L3MBTL3: variants seen among roughly 807,000 people sequenced by gnomAD.
L3MBTL3 encodes the protein L3MBTL histone methyl-lysine binding protein 3.
A neutral mutation model predicts 102.3 loss-of-function variants in L3MBTL3; 27 were observed. The ratio of observed to expected loss-of-function variants is 0.26; its 90% CI spans 0.19 to 0.36. The LOEUF (loss-of-function observed/expected upper bound fraction) is 0.36. L3MBTL3 is among the 10% of genes least tolerant of loss of function. The pLI is 1.00. For synonymous variants in L3MBTL3, 340 were observed against 320.9 expected, an observed-to-expected ratio of 1.06 and a Z score of -0.64; for missense variants, 798 against 955.3, an observed-to-expected ratio of 0.84 and a Z score of 2.17.
At chr6:130,089,297 A>G (rs550124963) in intron 16 of L3MBTL3, among the ~76,000 whole-genome samples, 3 of 140,580 alleles carry the variant, frequency 2.1e-5, no homozygotes, top group South Asian at 2.2e-4. Flanking sequence ...GTTCCCGCCT[A>G]TGAGTTAGAA....
At chr6:130,077,833 C>T (rs542036864) in intron 13 of L3MBTL3, among the ~76,000 whole-genome samples, 2 of 152,122 alleles carry the variant, frequency 1.3e-5, no homozygotes, top group Admixed American at 6.6e-5. Context: ...GACTCCTTGG[C>T]ATCTTTTAGA....
At chr6:130,077,965 T>C (rs1783066143) in intron 13 of L3MBTL3, among the ~76,000 whole-genome samples, 1 of 152,140 alleles carries the variant, frequency 6.6e-6, no homozygotes, top group African/African-American at 2.4e-5. Context: ...AGCAAGGAAT[T>C]AGATGTACCA....
At position 130,053,130 on chromosome 6, in the gene L3MBTL3, T is replaced by C. The variant is rs924337469; in HGVS notation, c.582+139T>C. ...TCTGTGTTAGTGTCAGTAAGTTACATGGCCTCTGTGTGCCTTGCTGTCCTG... is the reference window on the plus strand; with the variant it reads ...TCTGTGTTAGTGTCAGTAAGTTACACGGCCTCTGTGTGCCTTGCTGTCCTG... On this transcript the variant is annotated intron_variant, in intron 7 of 22. Coordinates refer to ENST00000361794, the MANE Select transcript of L3MBTL3 (RefSeq NM_032438.4). 5 of 615,388 alleles carry C rather than the reference T, an allele frequency of 8.1e-6. No individual in the cohort carries two copies. In the African/African-American group the frequency reaches 9.1e-5, roughly 11 times the overall value. The allele number at this position is 615,388 out of a possible 1,614,324, so 38.1% of individuals were successfully genotyped here.
intron 19 of L3MBTL3, 34 bp from the exon 20 acceptor site, chr6:130,120,845 T>G: frequency 6.6e-7 from 1 of 1,524,498 alleles, no homozygotes; most frequent in Non-Finnish European, 9.1e-7. Flanking sequence ...AAAATGTTTC[T>G]CTTATAAAAT....
At chr6:130,042,588 A>C (rs1430529320) in intron 2 of L3MBTL3, 97 bp from the exon 3 acceptor site, 5 of 670,980 alleles carry the variant, frequency 7.5e-6, no homozygotes, top group Non-Finnish European at 1.3e-5. Context: ...TGATCAAGAA[A>C]ATTATGTAAT....
rs1484402810 is a variant in L3MBTL3, at chr6:130,140,969, A to T, written c.*1216A>T. 6.6e-6 allele frequency: 1 copy of T among 152,668 alleles called. No homozygotes were observed. The highest frequency in any genetic ancestry group is 1.9e-4 in the East Asian group (1 of 5,206). The allele number at this position is 152,668 out of a possible 1,614,324, so 9.5% of individuals were successfully genotyped here. ...TTTGCCTCGATATATAAGCATACAG[A>T]TGCACTTTAAATGAAAACCCTTGAT... On this transcript the variant is annotated 3_prime_UTR_variant, in exon 23 of 23. Coordinates refer to ENST00000361794, the MANE Select transcript of L3MBTL3 (RefSeq NM_032438.4).
chr6:130,050,831 T>A (rs563966265), intron 5 of L3MBTL3, among the ~76,000 whole-genome samples: 106 of 152,216 alleles, frequency 7.0e-4, no homozygotes, highest in Non-Finnish European at 1.1e-3. Flanking sequence ...AGATGTTGAT[T>A]TAGCCAATTA....
chr6:130,052,272 A>G (rs1781153060), intron 6 of L3MBTL3, among the ~76,000 whole-genome samples: 1 of 151,762 alleles, frequency 6.6e-6, no homozygotes, highest in African/African-American at 2.4e-5. Context: ...ACACCCAGCT[A>G]GTTTTTTCTA....
At chr6:130,035,849 C>G (rs960996302) in intron 2 of L3MBTL3, among the ~76,000 whole-genome samples, 10 of 152,146 alleles carry the variant, frequency 6.6e-5, no homozygotes, top group African/African-American at 2.4e-4. Flanking sequence ...GAGGACCCAC[C>G]AGGGTGTACT....
At chr6:130,069,354 C>T (rs982735869) in intron 12 of L3MBTL3, among the ~76,000 whole-genome samples, 4 of 152,178 alleles carry the variant, frequency 2.6e-5, no homozygotes, top group Non-Finnish European at 5.9e-5. Flanking sequence ...AACCTCCTCA[C>T]TCCAAAAATC....
intron 19 of L3MBTL3, among the ~76,000 whole-genome samples, chr6:130,117,968 C>G (rs1405290713): frequency 1.3e-5 from 2 of 150,344 alleles, no homozygotes; most frequent in Non-Finnish European, 3.0e-5. Context: ...GCCTCAGTCT[C>G]CCAAAGTGTT....
chr6:130,070,642 G>T (rs1236375912), intron 12 of L3MBTL3, among the ~76,000 whole-genome samples: 2 of 152,082 alleles, frequency 1.3e-5, no homozygotes, highest in African/African-American at 4.8e-5. Flanking sequence ...GAACTATATG[G>T]TGAATAAAAC....
At chr6:130,078,204 A>G (rs930282737) in intron 13 of L3MBTL3, among the ~76,000 whole-genome samples, 9 of 152,190 alleles carry the variant, frequency 5.9e-5, no homozygotes, top group Non-Finnish European at 1.0e-4. Flanking sequence ...TAGTTTTCCT[A>G]TGTACACACA....
intron 2 of L3MBTL3, among the ~76,000 whole-genome samples, chr6:130,037,749 ACTT>A (rs1459129177): frequency 1.3e-5 from 2 of 152,124 alleles, no homozygotes. Flanking sequence ...GATATCCTTC[ACTT>A]CAAATACTTA....
At chr6:130,136,014 T>TA (rs1469333656) in intron 22 of L3MBTL3, among the ~76,000 whole-genome samples, 1 of 152,232 alleles carries the variant, frequency 6.6e-6, no homozygotes, top group South Asian at 2.1e-4. Flanking sequence ...ACTTCTCTCT[T>TA]ACACATGCCA....
chr6:130,108,391 C>T (rs896128708), intron 19 of L3MBTL3, among the ~76,000 whole-genome samples: 4 of 151,766 alleles, frequency 2.6e-5, no homozygotes, highest in Non-Finnish European at 5.9e-5. Context: ...TGTGCCACCA[C>T]GCCCAGCTAA....
At chr6:130,051,712 A>G (rs1363918067) in intron 6 of L3MBTL3, among the ~76,000 whole-genome samples, 3 of 152,340 alleles carry the variant, frequency 2.0e-5, no homozygotes, top group South Asian at 2.1e-4. Context: ...TTTCTGGGCT[A>G]TATACACATT....
At chr6:130,032,419 A>T (rs1289912995) in intron 2 of L3MBTL3, among the ~76,000 whole-genome samples, 1 of 152,116 alleles carries the variant, frequency 6.6e-6, no homozygotes. Context: ...GTTGTACCCC[A>T]GCCTGGAAAA....
intron 14 of L3MBTL3, among the ~76,000 whole-genome samples, chr6:130,078,980 T>A (rs966329425): frequency 6.6e-6 from 1 of 152,202 alleles, no homozygotes; most frequent in Non-Finnish European, 1.5e-5. Context: ...TTTTAAAAGA[T>A]CTTTCATTTC....
Sources: allele counts gnomAD v4.1 joint callset (sites outside exome capture counted in the v4.1 genomes callset), GRCh38; gene constraint gnomAD v4.1.1; transcripts MANE v1.5; gene names NCBI Gene and HGNC (gene_info 2026-07-23, HGNC 2026-07-21).